Variants in MBP observed in about 807,000 individuals in gnomAD.
MBP encodes the protein Golli-MBP.
MBP carries 16 observed loss-of-function variants against 35.8 expected under a neutral mutation model. The observed-to-expected ratio is 0.45, with a 90% CI of 0.30 to 0.68. The LOEUF is 0.68. Ranked by LOEUF, MBP falls within the 30% of genes least tolerant of loss-of-function variation. The pLI is 0.08. For synonymous variants in MBP, 143 were observed against 159.6 expected (o/e 0.90, Z 0.78); for missense variants, 380 against 404.7 (o/e 0.94, Z 0.52).
intron 3 of MBP, among the ~76,000 whole-genome samples, chr18:77,022,731 C>T (rs903894278): frequency 2.0e-5 from 3 of 152,192 alleles, no homozygotes; most frequent in African/African-American, 7.2e-5. Flanking sequence ...ATTTTTGCAA[C>T]AGTTGGGCTT....
At chr18:77,038,953 G>C (rs572535871) in intron 3 of MBP, among the ~76,000 whole-genome samples, 1 of 152,136 alleles carries the variant, frequency 6.6e-6, no homozygotes, top group Non-Finnish European at 1.5e-5. Flanking sequence ...TATGCCTCGG[G>C]GCCAAATCTG....
At chr18:76,984,974 G>T in intron 7 of MBP, 80 bp from the exon 8 acceptor site, 1 of 1,586,392 alleles carries the variant, frequency 6.3e-7, no homozygotes, top group Non-Finnish European at 8.5e-7. Context: ...CTGCCACCAG[G>T]GCCCCGGGGA....
chr18:77,016,913 C>T lies in MBP; in HGVS notation c.495G>A (p.Arg165=). 2 of 1,614,206 alleles carry T rather than the reference C, an allele frequency of 1.2e-6. No individual in the cohort carries two copies. The highest frequency in any genetic ancestry group is 1.7e-6 in the Non-Finnish European group (2 of 1,180,032). ...AGTCAAGGATGCCCGTGTCTCTGTG[C>T]CTTGGGAGGAAGCCATGCCTGGCAT... is the stretch of plus-strand genomic sequence containing the variant. ...MDHARHGFLP[R]HRDTGILDSI... The change falls in exon 4 of 9, where the codon AGG becomes AGA. Residue 165 remains arginine (R), a synonymous_variant. Transcript: ENST00000355994.
At position 77,019,733 on chromosome 18, in the gene MBP, TGACAG is replaced by T. The variant is rs893226879; in HGVS notation, c.140-2470_140-2466del. Among the ~76,000 whole-genome samples, 26 of 152,052 alleles carry T rather than the reference TGACAG, an allele frequency of 1.7e-4. 1 individual carries two copies. The highest frequency in any genetic ancestry group is 2.9e-5 in the Non-Finnish European group (2 of 68,008). On this transcript the variant is annotated intron_variant, in intron 3 of 8. Transcript: ENST00000355994. ...GTCAGCAGGAAGGTCCTTGCGGAAA[TGACAG>T]GACAAGATGAGAGTCTGGGCCCTGC...
intron 1 of MBP, among the ~76,000 whole-genome samples, chr18:77,129,333 T>C (rs1449324658): frequency 6.6e-6 from 1 of 152,264 alleles, no homozygotes; most frequent in Non-Finnish European, 1.5e-5. Flanking sequence ...CTTTGGAACA[T>C]GCACTCGTGG....
At chr18:77,045,241 G>C (rs1388775267) in intron 3 of MBP, among the ~76,000 whole-genome samples, 1 of 152,164 alleles carries the variant, frequency 6.6e-6, no homozygotes, top group African/African-American at 2.4e-5. Context: ...AAATGTTACA[G>C]CCCACCCGTT....
intron 1 of MBP, among the ~76,000 whole-genome samples, chr18:77,124,072 G>C (rs1017144714): frequency 4.6e-5 from 7 of 152,078 alleles, no homozygotes; most frequent in African/African-American, 1.7e-4. Flanking sequence ...GAAGGAGCAG[G>C]GCTCTCTGGG....
chr18:77,067,927 G>C, intron 2 of MBP: 2 of 456,572 alleles, frequency 4.4e-6, no homozygotes, highest in Non-Finnish European at 8.8e-6. Context: ...TGTTCCTGGA[G>C]AGAAGTCCAG....
At chr18:77,000,675 TTCTC>T (rs1599516381) in intron 4 of MBP, among the ~76,000 whole-genome samples, 2 of 152,370 alleles carry the variant, frequency 1.3e-5, no homozygotes, top group Admixed American at 6.5e-5. Context: ...CGCCGCCTGT[TTCTC>T]TCCAGAAATC....
intron 4 of MBP, chr18:77,016,284 C>A (rs58981767): frequency 5.1e-6 from 5 of 985,992 alleles, no homozygotes; most frequent in Non-Finnish European, 4.8e-6. Context: ...TTATCCCTCC[C>A]CCCTTCCACT....
intron 1 of MBP, among the ~76,000 whole-genome samples, chr18:77,107,742 G>GA (rs1252495523): frequency 5.3e-5 from 8 of 152,158 alleles, no homozygotes; most frequent in Non-Finnish European, 1.2e-4. Context: ...TCATGATTTA[G>GA]AAAACTCAAG....
Position 77,073,167 on chromosome 18 carries a change from T to A in MBP, c.52-6782A>T, listed in dbSNP as rs573551408. On this transcript the variant is annotated intron_variant, in intron 2 of 8. Coordinates refer to ENST00000355994, the MANE Select transcript of MBP (RefSeq NM_001025101.2). ...GATATCAGGTAGAGGTTAACTGGCT[T>A]ATTTTTCATCTTACATATTTTTGCT... Among the ~76,000 whole-genome samples the A allele has an allele frequency of 7.2e-5, 11 of 152,350 alleles. No homozygotes were observed. The South Asian group carries it at 2.3e-3, about 32-fold the overall frequency.
chr18:77,056,297 G>A (rs115744103), intron 3 of MBP, among the ~76,000 whole-genome samples: 1,784 of 152,326 alleles, frequency 0.012, 34 homozygotes, highest in African/African-American at 0.041. Context: ...TGCCATTCCC[G>A]TCCGGGGGAT....
intron 3 of MBP, among the ~76,000 whole-genome samples, chr18:77,028,875 C>A (rs1264435810): frequency 1.8e-5 from 2 of 109,070 alleles, no homozygotes; most frequent in East Asian, 2.6e-4. Context: ...GGCAGAGGCG[C>A]TCCTCACTTC....
chr18:77,081,146 C>T (rs1012411282), intron 2 of MBP, among the ~76,000 whole-genome samples: 7 of 152,308 alleles, frequency 4.6e-5, no homozygotes, highest in African/African-American at 1.7e-4. Context: ...GTCCTTAAAA[C>T]AAGTGCCTCC....
chr18:77,119,190 G>A (rs992481559), intron 1 of MBP, among the ~76,000 whole-genome samples: 2 of 152,182 alleles, frequency 1.3e-5, no homozygotes, highest in African/African-American at 4.8e-5. Context: ...GGGGCTTGGG[G>A]ACCTGGAAGC....
chr18:76,987,562 T>G (rs1357593992), intron 7 of MBP: 2 of 985,274 alleles, frequency 2.0e-6, no homozygotes, highest in East Asian at 1.1e-4. Context: ...TTCCTGTTCT[T>G]TCTCCTTGTT....
intron 7 of MBP, chr18:76,986,581 G>A: frequency 1.0e-6 from 1 of 985,668 alleles, no homozygotes; most frequent in Non-Finnish European, 1.2e-6. Context: ...GGGCTATCCA[G>A]TGAGGTGAGG....
At chr18:76,997,700 T>TTG (rs1568274966) in intron 4 of MBP, among the ~76,000 whole-genome samples, 4 of 151,630 alleles carry the variant, frequency 2.6e-5, no homozygotes, top group Admixed American at 2.6e-4. Flanking sequence ...TTTTTTTTTT[T>TTG]GAGACGGAGT....
Sources: gnomAD v4.1 joint callset for allele counts (sites outside exome capture counted in the v4.1 genomes callset) on GRCh38, gnomAD v4.1.1 for gene constraint, MANE v1.5 for transcripts, NCBI Gene and HGNC (gene_info 2026-07-23, HGNC 2026-07-21) for gene names.